Variants in RPGRIP1L observed in about 807,000 individuals in gnomAD.
The protein encoded by RPGRIP1L is RPGRIP1 like.
RPGRIP1L carries 131 observed loss-of-function variants against 160.4 expected under a neutral mutation model. The ratio of observed to expected loss-of-function variants is 0.82; its 90% CI spans 0.71 to 0.94. The LOEUF (loss-of-function observed/expected upper bound fraction) is 0.94. Among genes scored for constraint, RPGRIP1L ranks in the 40% least tolerant of loss-of-function variants. The probability of loss-of-function intolerance (pLI) is 0.00; values close to 1 mark genes in which losing one functional copy is unlikely to be tolerated. For synonymous variants in RPGRIP1L, 510 were observed against 515.8 expected, an observed-to-expected ratio of 0.99 and a Z score of 0.15; for missense variants, 1,522 against 1,535.8, an observed-to-expected ratio of 0.99 and a Z score of 0.15.
chr16:53,692,572 AAC>A (rs1444577815), intron 3 of RPGRIP1L, among the ~76,000 whole-genome samples: 1 of 152,224 alleles, frequency 6.6e-6, no homozygotes, highest in African/African-American at 2.4e-5. Flanking sequence ...ACTGACAAAT[AAC>A]AGTTTCCTAA....
At chr16:53,699,242 A>G (rs1243249242) in intron 2 of RPGRIP1L, among the ~76,000 whole-genome samples, 1 of 151,840 alleles carries the variant, frequency 6.6e-6, no homozygotes, top group Non-Finnish European at 1.5e-5. Flanking sequence ...ACCCAGGGAC[A>G]CAAACACTGA....
At position 53,687,758 on chromosome 16, in the gene RPGRIP1L, A is replaced by G. The variant is rs1005820054; in HGVS notation, c.632+105T>C. 3.5e-5 allele frequency: 26 copies of G among 753,102 alleles called. No homozygotes were observed. In the Admixed American group the frequency reaches 4.9e-4, roughly 14 times the overall value. 46.7% of individuals were successfully genotyped at this position (753,102 alleles called of 1,614,324 possible). A position where few individuals can be genotyped will look rare whatever the true frequency, so the allele number is the denominator to read the frequency against. On this transcript the variant is annotated intron_variant, in intron 5 of 26. Coordinates refer to ENST00000647211, the MANE Select transcript of RPGRIP1L (RefSeq NM_015272.5). ...ACCCTACAGAACATAGCTGTATTTC[A>G]GTGGAGCAAACTGTTTACATATAAA...
At chr16:53,653,332 T>C in intron 14 of RPGRIP1L, 1 of 1,120,406 alleles carries the variant, frequency 8.9e-7, no homozygotes, top group East Asian at 7.1e-5. Flanking sequence ...CCCATTGTCT[T>C]CACTCCTATA....
chr16:53,692,558 T>C (rs989858832), intron 3 of RPGRIP1L, among the ~76,000 whole-genome samples, 194 bp from the exon 4 acceptor site: 33 of 152,210 alleles, frequency 2.2e-4, no homozygotes, highest in Non-Finnish European at 4.4e-5. Flanking sequence ...ATCTGCTTTA[T>C]AGCACTGACA....
chr16:53,605,069 T>A (rs1229753366), intron 26 of RPGRIP1L, among the ~76,000 whole-genome samples: 1 of 151,802 alleles, frequency 6.6e-6, no homozygotes, highest in Non-Finnish European at 1.5e-5. Flanking sequence ...TAGTCCCAGA[T>A]ACCTGGGAGG....
intron 22 of RPGRIP1L, among the ~76,000 whole-genome samples, chr16:53,629,505 ATTCATCT>A (rs1189044488): frequency 2.0e-5 from 3 of 152,212 alleles, no homozygotes; most frequent in African/African-American, 7.2e-5. Context: ...ACCAAAAAAG[ATTCATCT>A]TCCATCCATG....
At chr16:53,693,357 A>G (rs1026174682) in intron 3 of RPGRIP1L, 4 of 152,254 alleles carry the variant, frequency 2.6e-5, no homozygotes, top group African/African-American at 9.6e-5. Context: ...GGTTATGGAC[A>G]GAAGCTTTTA....
Position 53,664,928 on chromosome 16 carries a change from G to C in RPGRIP1L, c.1185C>G (p.Ala395=). 1 of 1,613,112 alleles carries C rather than the reference G, an allele frequency of 6.2e-7. No individual in the cohort carries two copies. Among genetic ancestry groups the C allele is most frequent in the South Asian group, 1.1e-5 (1 of 91,076 alleles). The change falls in exon 10 of 27, where the codon GCC becomes GCG. Residue 395 remains alanine (A), a synonymous_variant. Coordinates refer to ENST00000647211, the MANE Select transcript of RPGRIP1L (RefSeq NM_015272.5). Reference sequence around the variant, plus strand: ...TTTTGTCTGTTAAGTCAGACTTCAAGGCAGTCTCGAGCTGAGCAATCTGCA... The same window carrying C: ...TTTTGTCTGTTAAGTCAGACTTCAACGCAGTCTCGAGCTGAGCAATCTGCA... ...LKVQIAQLET[A]LKSDLTDKTE...
At chr16:53,676,347 A>G (rs905432403) in intron 6 of RPGRIP1L, among the ~76,000 whole-genome samples, 1 of 152,148 alleles carries the variant, frequency 6.6e-6, no homozygotes, top group South Asian at 2.1e-4. Flanking sequence ...TCAACAATAT[A>G]CTCACTAATA....
chr16:53,638,161 T>A (rs1965960716), intron 20 of RPGRIP1L, 149 bp downstream of exon 20: 2 of 648,216 alleles, frequency 3.1e-6, no homozygotes, highest in Non-Finnish European at 5.5e-6. Flanking sequence ...GCTGTTACCC[T>A]TGTCATATTT....
chr16:53,623,225 G>T (rs551930066), intron 22 of RPGRIP1L, among the ~76,000 whole-genome samples: 3 of 152,130 alleles, frequency 2.0e-5, no homozygotes, highest in Admixed American at 1.3e-4. Context: ...GAACAAGGAG[G>T]GAGAAAATAG....
chr16:53,691,647 C>T (rs1464435780), intron 4 of RPGRIP1L, among the ~76,000 whole-genome samples: 1 of 152,186 alleles, frequency 6.6e-6, no homozygotes, highest in Non-Finnish European at 1.5e-5. Flanking sequence ...CTACCGCCAT[C>T]CAATGAGAAA....
At chr16:53,660,069 T>C (rs1026932044) in intron 10 of RPGRIP1L, among the ~76,000 whole-genome samples, 3 of 152,110 alleles carry the variant, frequency 2.0e-5, no homozygotes, top group Non-Finnish European at 4.4e-5. Flanking sequence ...AAGAGACTAA[T>C]TTTTCACTCC....
intron 15 of RPGRIP1L, among the ~76,000 whole-genome samples, chr16:53,651,647 C>T (rs921923541): frequency 3.3e-5 from 5 of 152,100 alleles, no homozygotes; most frequent in Admixed American, 2.6e-4. Flanking sequence ...CATGGATCTT[C>T]ATTCTTTACC....
At chr16:53,621,687 A>G (rs879724697) in intron 23 of RPGRIP1L, among the ~76,000 whole-genome samples, 9 of 152,190 alleles carry the variant, frequency 5.9e-5, no homozygotes, top group Non-Finnish European at 1.2e-4. Flanking sequence ...TTATTTTTCA[A>G]TGCTGGAACA....
chr16:53,676,060 G>C (rs1969134344), intron 6 of RPGRIP1L, among the ~76,000 whole-genome samples: 1 of 152,040 alleles, frequency 6.6e-6, no homozygotes, highest in East Asian at 1.9e-4. Context: ...AACTTATCTA[G>C]TGTACACATA....
At chr16:53,624,293 C>T (rs1384831938) in intron 22 of RPGRIP1L, among the ~76,000 whole-genome samples, 1 of 152,210 alleles carries the variant, frequency 6.6e-6, no homozygotes, top group Non-Finnish European at 1.5e-5. Context: ...TGGCTCATGC[C>T]TGTAATCCCA....
At chr16:53,649,253 G>C in intron 15 of RPGRIP1L, 138 bp from the exon 16 acceptor site, 1 of 674,500 alleles carries the variant, frequency 1.5e-6, no homozygotes, top group East Asian at 2.7e-5. Context: ...CACAAATGAT[G>C]TGAGATTGGC....
rs1185071339 is a variant in RPGRIP1L, at chr16:53,636,470, A to C, written c.3263T>G (p.Ile1088Ser). Residue 1088 changes from isoleucine (I) to serine (S), a missense_variant, in exon 22 of 27, where the codon ATT becomes AGT. Transcript: ENST00000647211. ...GATATTCTTGGAGATAGGACCTGGA[A>C]TAATACAGTCATCACTGTCAGAAGC... Reference protein sequence around the residue: ...MSASDSDDCIIPGPISKNIKQ... With the variant: ...MSASDSDDCISPGPISKNIKQ... 6 of 1,612,488 alleles carry C rather than the reference A, an allele frequency of 3.7e-6. No individual in the cohort carries two copies. Among genetic ancestry groups the C allele is most frequent in the Non-Finnish European group, 5.1e-6 (6 of 1,178,824 alleles).
Sources: gnomAD v4.1 joint callset for allele counts (sites outside exome capture counted in the v4.1 genomes callset) on GRCh38, gnomAD v4.1.1 for gene constraint, MANE v1.5 for transcripts, NCBI Gene and HGNC (gene_info 2026-07-23, HGNC 2026-07-21) for gene names.